DCBLD1: variants seen among roughly 807,000 people sequenced by gnomAD.
DCBLD1 encodes the protein discoidin, CUB and LCCL domain-containing protein 1.
A neutral mutation model predicts 71.5 loss-of-function variants in DCBLD1; 57 were observed. The ratio of observed to expected loss-of-function variants is 0.80; its 90% CI spans 0.64 to 0.99. The LOEUF (loss-of-function observed/expected upper bound fraction) is 0.99. Ranked by LOEUF, DCBLD1 falls within the 50% of genes least tolerant of loss-of-function variation. The pLI, the probability that DCBLD1 is intolerant of heterozygous loss-of-function variation, is 0.00. For missense variants in DCBLD1, 891 were observed against 923.5 expected, an observed-to-expected ratio of 0.96 and a Z score of 0.46; for synonymous variants, 380 against 363.8, an observed-to-expected ratio of 1.04 and a Z score of -0.51.
At position 117,544,534 on chromosome 6, in the gene DCBLD1, GAAGA is replaced by G. The variant is rs1240502971; in HGVS notation, c.1456_1459del (p.Lys486GlufsTer40). 1 of 1,613,770 alleles carries G rather than the reference GAAGA, an allele frequency of 6.2e-7. No homozygotes were observed. Among genetic ancestry groups the G allele is most frequent in the East Asian group, 2.2e-5 (1 of 44,846 alleles). On this transcript the variant is annotated frameshift_variant, in exon 13 of 15. Coordinates refer to ENST00000338728, the MANE Select transcript of DCBLD1 (RefSeq NM_001366458.2). LOFTEE classifies it high-confidence loss of function. ...GGACTTTTTGTCTTGATAGGAAGAA[GAAGA>G]AAGGAAGTCCGTATGGATCAGCAGA...
At chr6:117,537,740 G>A (rs1042508826) in intron 7 of DCBLD1, among the ~76,000 whole-genome samples, 6 of 136,380 alleles carry the variant, frequency 4.4e-5, no homozygotes, top group Non-Finnish European at 7.6e-5. Flanking sequence ...AAACTCCTGG[G>A]CTTAAGCGAT....
At chr6:117,552,952 C>T (rs1044755223), downstream of DCBLD1, among the ~76,000 whole-genome samples, 1 of 152,154 alleles carries the variant, frequency 6.6e-6, no homozygotes, top group South Asian at 2.1e-4. Flanking sequence ...TATCCATCAT[C>T]GAACTGGTTT....
chr6:117,540,751 C>G lies in DCBLD1; in HGVS notation c.1185C>G (p.Val395=). Residue 395 remains valine, a synonymous_variant, in exon 10 of 15, where the codon GTC becomes GTG. Transcript: ENST00000338728. ...TCGTGGCCAGATATGTGCGGGTTGTCCCCCAGACATGGCACCAGAGGATAG... is the reference window on the plus strand; with the variant it reads ...TCGTGGCCAGATATGTGCGGGTTGTGCCCCAGACATGGCACCAGAGGATAG... The part of the protein sequence containing the change: ...PPIVARYVRV[V]PQTWHQRIAL... The G allele has an allele frequency of 3.1e-6, 5 of 1,614,170 alleles. No homozygotes were observed. The highest frequency in any genetic ancestry group is 2.5e-6 in the Non-Finnish European group (3 of 1,180,022).
chr6:117,540,563 CAT>C, intron 9 of DCBLD1, 103 bp from the exon 10 acceptor site: 1 of 1,417,298 alleles, frequency 7.1e-7, no homozygotes. Context: ...ATGCAACCGA[CAT>C]AGAATCCTTG....
In DCBLD1 at chr6:117,549,605, C is replaced by T; in HGVS notation, c.*1166C>T. The T allele has an allele frequency of 1.0e-6, 1 of 985,010 alleles. No individual in the cohort carries two copies. The highest frequency in any genetic ancestry group is 6.2e-5 in the Admixed American group (1 of 16,240). The allele number at this position is 985,010 out of a possible 1,614,324, so 61.0% of individuals were successfully genotyped here. The stretch of plus-strand genomic sequence containing the variant: ...GAAAATATGGACCAAAAATTTTTTT[C>T]CCTGAAGAATGTATTATAACCCTAT... On this transcript the variant is annotated 3_prime_UTR_variant, in exon 15 of 15. Coordinates refer to ENST00000338728, the MANE Select transcript of DCBLD1 (RefSeq NM_001366458.2).
chr6:117,527,019 C>G (rs1310956266), intron 5 of DCBLD1, among the ~76,000 whole-genome samples: 3 of 152,174 alleles, frequency 2.0e-5, no homozygotes, highest in Non-Finnish European at 4.4e-5. Context: ...CATTCAGTTA[C>G]TTGTGTGTTA....
At chr6:117,550,299 T>C (rs1482518677), downstream of DCBLD1, among the ~76,000 whole-genome samples, 4 of 151,940 alleles carry the variant, frequency 2.6e-5, no homozygotes, top group African/African-American at 9.7e-5. Flanking sequence ...GTAGAACAGG[T>C]TGGGTGAGTG....
intron 14 of DCBLD1, 21 bp from the exon 15 acceptor site, chr6:117,547,886 C>T: frequency 1.3e-6 from 2 of 1,550,458 alleles, no homozygotes; most frequent in Non-Finnish European, 1.7e-6. Context: ...CCGCTAGCTG[C>T]CATCTGTCTT....
chr6:117,532,151 A>C, intron 5 of DCBLD1, 109 bp from the exon 6 acceptor site: 3 of 1,462,758 alleles, frequency 2.1e-6, no homozygotes, highest in Non-Finnish European at 2.7e-6. Context: ...GGAAGGCTTT[A>C]TTCATTGGGG....
chr6:117,550,927 T>A (rs1307290499), downstream of DCBLD1, among the ~76,000 whole-genome samples: 1 of 152,088 alleles, frequency 6.6e-6, no homozygotes, highest in East Asian at 1.9e-4. Flanking sequence ...AGCAGTTGAA[T>A]CCCTCCAATG....
Position 117,548,301 on chromosome 6 carries a change from T to C in DCBLD1, c.2010T>C (p.Ala670=). 6.4e-7 allele frequency: 1 copy of C among 1,550,642 alleles called. No homozygotes were observed. Among genetic ancestry groups the C allele is most frequent in the Non-Finnish European group, 8.7e-7 (1 of 1,146,984 alleles). ...PADRGYDRPK[A]VSALATESGH... ...ACAGGGGCTACGACCGGCCCAAAGC[T>C]GTCAGCGCCCTCGCCACCGAAAGCG... The change falls in exon 15 of 15, where the codon GCT becomes GCC. Residue 670 remains alanine (A), a synonymous_variant. Transcript: ENST00000338728.
intron 1 of DCBLD1, among the ~76,000 whole-genome samples, chr6:117,489,332 C>T (rs1777200933): frequency 6.6e-6 from 1 of 152,144 alleles, no homozygotes; most frequent in Non-Finnish European, 1.5e-5. Flanking sequence ...GGTGCCAAGC[C>T]ATTCATGAGG....
At chr6:117,531,080 C>T (rs1349213220) in intron 5 of DCBLD1, among the ~76,000 whole-genome samples, 1 of 152,134 alleles carries the variant, frequency 6.6e-6, no homozygotes, top group Non-Finnish European at 1.5e-5. Flanking sequence ...AATTGAATAT[C>T]ACAAAATTCT....
At chr6:117,537,431 G>A (rs1778922202) in intron 7 of DCBLD1, among the ~76,000 whole-genome samples, 1 of 151,806 alleles carries the variant, frequency 6.6e-6, no homozygotes, top group Non-Finnish European at 1.5e-5. Context: ...CTTCTCGGGA[G>A]GCTGAGGCAG....
intron 14 of DCBLD1, among the ~76,000 whole-genome samples, chr6:117,566,142 A>AGT (rs1433400033): frequency 6.6e-6 from 1 of 152,206 alleles, no homozygotes; most frequent in Non-Finnish European, 1.5e-5. Context: ...TGCCTTGATT[A>AGT]GTGCTAAGGC....
chr6:117,488,669 T>C (rs1198614293), intron 1 of DCBLD1, among the ~76,000 whole-genome samples: 1 of 151,968 alleles, frequency 6.6e-6, no homozygotes, highest in Non-Finnish European at 1.5e-5. Context: ...TAAATTCAAC[T>C]CTGAAAAGAA....
intron 11 of DCBLD1, among the ~76,000 whole-genome samples, chr6:117,542,395 A>G (rs1779128422): frequency 6.6e-6 from 1 of 151,794 alleles, no homozygotes; most frequent in South Asian, 2.1e-4. Context: ...CATGAATTGC[A>G]TTTTTCCACT....
At chr6:117,519,432 G>GA (rs1343438218) in intron 2 of DCBLD1, among the ~76,000 whole-genome samples, 16 of 152,026 alleles carry the variant, frequency 1.1e-4, no homozygotes, top group Non-Finnish European at 2.4e-4. Flanking sequence ...AAACTTCCCC[G>GA]AAAAAATGAT....
At chr6:117,533,050 G>C (rs1204959505) in intron 6 of DCBLD1, among the ~76,000 whole-genome samples, 1 of 151,968 alleles carries the variant, frequency 6.6e-6, no homozygotes, top group Non-Finnish European at 1.5e-5. Flanking sequence ...CTGTGGTCCA[G>C]ACGTCCACAC....
Sources: gnomAD v4.1 joint callset for allele counts (sites outside exome capture counted in the v4.1 genomes callset) on GRCh38, gnomAD v4.1.1 for gene constraint, MANE v1.5 for transcripts, NCBI Gene and HGNC (gene_info 2026-07-23, HGNC 2026-07-21) for gene names.